Variants in WIPF1 observed in about 807,000 individuals in gnomAD.
WIPF1 encodes WAS/WASL interacting protein family member 1.
WIPF1 carries 13 observed loss-of-function variants against 35.4 expected under a neutral mutation model. The observed-to-expected ratio is 0.37, with a 90% CI of 0.24 to 0.58. The LOEUF is 0.58. Ranked by LOEUF, WIPF1 falls within the 20% of genes least tolerant of loss-of-function variation. The probability of loss-of-function intolerance (pLI) is 0.74; values close to 1 mark genes in which losing one functional copy is unlikely to be tolerated. For missense variants in WIPF1, 591 were observed against 667.0 expected, an observed-to-expected ratio of 0.89 and a Z score of 1.25; for synonymous variants, 267 against 266.3, an observed-to-expected ratio of 1.00 and a Z score of -0.02.
intron 1 of WIPF1, among the ~76,000 whole-genome samples, chr2:174,680,120 T>C (rs1559181299): frequency 6.6e-6 from 1 of 152,262 alleles, no homozygotes; most frequent in Non-Finnish European, 1.5e-5. Flanking sequence ...TACCAAATTC[T>C]GCCTGCATAC....
At chr2:174,587,970 A>C (rs1685477709) in intron 1 of WIPF1, among the ~76,000 whole-genome samples, 1 of 152,218 alleles carries the variant, frequency 6.6e-6, no homozygotes, top group African/African-American at 2.4e-5. Flanking sequence ...TCTTTCTGGC[A>C]TGACATCAAT....
intron 1 of WIPF1, among the ~76,000 whole-genome samples, chr2:174,645,285 A>C (rs553210946): frequency 1.2e-3 from 177 of 152,378 alleles, no homozygotes; most frequent in African/African-American, 4.2e-3. Context: ...TTGTTCAAAT[A>C]AGTAAATAAG....
At chr2:174,682,405 C>A (rs899166785) in intron 1 of WIPF1, among the ~76,000 whole-genome samples, 1 of 152,186 alleles carries the variant, frequency 6.6e-6, no homozygotes, top group Non-Finnish European at 1.5e-5. Flanking sequence ...CGCCGCGAAG[C>A]CCCTGCTCGA....
chr2:174,585,381 C>T, intron 2 of WIPF1, 142 bp downstream of exon 2: 2 of 844,042 alleles, frequency 2.4e-6, no homozygotes, highest in Non-Finnish European at 3.8e-6. Flanking sequence ...CAGGATTTGG[C>T]TTACCCTGGG....
chr2:174,641,117 A>G (rs1687284973), intron 1 of WIPF1, among the ~76,000 whole-genome samples: 2 of 152,238 alleles, frequency 1.3e-5, no homozygotes, highest in Non-Finnish European at 1.5e-5. Context: ...ACTCCCATTC[A>G]ACAAAAGTGC....
chr2:174,614,561 C>T (rs1686451182), intron 1 of WIPF1, among the ~76,000 whole-genome samples: 1 of 152,248 alleles, frequency 6.6e-6, no homozygotes, highest in South Asian at 2.1e-4. Flanking sequence ...GTTCTGCCAC[C>T]ACAAGCTGAT....
chr2:174,593,975 C>T (rs1017344531), intron 1 of WIPF1, among the ~76,000 whole-genome samples: 1 of 152,220 alleles, frequency 6.6e-6, no homozygotes, highest in Admixed American at 6.5e-5. Context: ...AGGAAAACAG[C>T]TTTATTAGCA....
At chr2:174,584,027 C>G (rs1334198492) in intron 2 of WIPF1, among the ~76,000 whole-genome samples, 2 of 152,070 alleles carry the variant, frequency 1.3e-5, no homozygotes, top group African/African-American at 4.8e-5. Flanking sequence ...GGGGTCTCGC[C>G]ATGTTGCCCA....
chr2:174,643,570 G>C (rs1200565099), intron 1 of WIPF1, among the ~76,000 whole-genome samples: 1 of 148,506 alleles, frequency 6.7e-6, no homozygotes, highest in Non-Finnish European at 1.5e-5. Context: ...GCAACACCAA[G>C]CTGGCTAATT....
intron 1 of WIPF1, among the ~76,000 whole-genome samples, chr2:174,616,959 G>A (rs1686524886): frequency 6.6e-6 from 1 of 151,662 alleles, no homozygotes; most frequent in Non-Finnish European, 1.5e-5. Context: ...CACAACTGAT[G>A]ATTTATTTGA....
Position 174,596,205 on chromosome 2 carries a change from C to T in WIPF1, c.-39+1396G>A, listed in dbSNP as rs190215152. ...AGGTTAGATATTAGAGTAGCTGAAG[C>T]GCTATGAGCAAATAGCCCATGAATA... On this transcript the variant is annotated intron_variant, in intron 1 of 7. Coordinates refer to ENST00000679041, the MANE Select transcript of WIPF1 (RefSeq NM_001375834.1). Among the ~76,000 whole-genome samples, 141 of 152,244 alleles carry T rather than the reference C, an allele frequency of 9.3e-4. No homozygotes were observed. The Middle Eastern group carries it at 0.014, about 15-fold the overall frequency.
intron 1 of WIPF1, among the ~76,000 whole-genome samples, chr2:174,635,345 G>A (rs985767936): frequency 1.3e-5 from 2 of 152,072 alleles, no homozygotes; most frequent in African/African-American, 2.4e-5. Context: ...TCCTGGCAGC[G>A]TGTGAGTCCT....
intron 1 of WIPF1, among the ~76,000 whole-genome samples, chr2:174,586,978 A>G (rs910191246): frequency 6.6e-6 from 1 of 152,102 alleles, no homozygotes. Flanking sequence ...CAAATTTTAA[A>G]CTGCAGAATT....
At chr2:174,657,984 C>T (rs990832477) in intron 1 of WIPF1, among the ~76,000 whole-genome samples, 1 of 150,450 alleles carries the variant, frequency 6.6e-6, no homozygotes, top group African/African-American at 2.4e-5. Context: ...GATAAAAGTG[C>T]TCTTTGACTA....
intron 1 of WIPF1, among the ~76,000 whole-genome samples, chr2:174,657,481 A>C (rs1687666580): frequency 1.3e-5 from 2 of 152,220 alleles, no homozygotes; most frequent in Admixed American, 1.3e-4. Context: ...AGGGTTTTCA[A>C]AGCTCCAGAA....
chr2:174,608,269 A>C (rs1218756548), intron 1 of WIPF1, among the ~76,000 whole-genome samples: 2 of 152,182 alleles, frequency 1.3e-5, no homozygotes, highest in African/African-American at 4.8e-5. Flanking sequence ...GGCTTCACGT[A>C]CTCATATCCA....
chr2:174,578,217 T>C (rs751234046), intron 3 of WIPF1, among the ~76,000 whole-genome samples: 1 of 152,114 alleles, frequency 6.6e-6, no homozygotes, highest in African/African-American at 2.4e-5. Context: ...TTGCCACATA[T>C]CCCCTGGAAT....
At chr2:174,594,173 T>C (rs1685722161) in intron 1 of WIPF1, among the ~76,000 whole-genome samples, 1 of 152,264 alleles carries the variant, frequency 6.6e-6, no homozygotes, top group East Asian at 1.9e-4. Flanking sequence ...ATGGTAAATG[T>C]CAATTTAAGT....
intron 2 of WIPF1, among the ~76,000 whole-genome samples, chr2:174,581,938 C>T (rs1685256232): frequency 6.6e-6 from 1 of 152,162 alleles, no homozygotes; most frequent in African/African-American, 2.4e-5. Flanking sequence ...AAATAATTCC[C>T]TCTGTGTATA....
Sources: allele counts gnomAD v4.1 joint callset (sites outside exome capture counted in the v4.1 genomes callset), GRCh38; gene constraint gnomAD v4.1.1; transcripts MANE v1.5; gene names NCBI Gene and HGNC (gene_info 2026-07-23, HGNC 2026-07-21).